Variants in PPFIA2 observed in about 807,000 individuals in gnomAD.
PPFIA2 encodes the protein PPFI scaffold protein A2, also known as liprin-alpha-2.
In PPFIA2, 46 loss-of-function variants were observed where a neutral mutation model predicts 175.5. That is an observed-to-expected ratio of 0.26 (90% CI 0.21 to 0.34). PPFIA2 has a LOEUF of 0.34. Ranked by LOEUF, PPFIA2 falls within the 10% of genes least tolerant of loss-of-function variation. PPFIA2 has a pLI of 1.00. For missense variants in PPFIA2, 1,179 were observed against 1,506.1 expected, an observed-to-expected ratio of 0.78 and a Z score of 3.60; for synonymous variants, 568 against 511.4, an observed-to-expected ratio of 1.11 and a Z score of -1.49.
At position 81,423,944 on chromosome 12, in the gene PPFIA2, A is replaced by G. The variant is rs111629460; in HGVS notation, c.645+16028T>C. Among the ~76,000 whole-genome samples, 6 of 152,258 alleles carry G rather than the reference A, an allele frequency of 3.9e-5. 1 individual carries two copies. The highest frequency in any genetic ancestry group is 1.4e-4 in the African/African-American group (6 of 41,578). ...ATTCAAAAATTAGTTGCATTTCCAC[A>G]CACAAACAACAATATAAAAAGGAAA... On this transcript the variant is annotated intron_variant, in intron 7 of 32. Coordinates refer to ENST00000549396, the MANE Select transcript of PPFIA2 (RefSeq NM_003625.5).
At chr12:81,743,833 C>G (rs1408579591) in intron 3 of PPFIA2, among the ~76,000 whole-genome samples, 2 of 152,010 alleles carry the variant, frequency 1.3e-5, no homozygotes, top group African/African-American at 4.8e-5. Flanking sequence ...TCCTAGAAAC[C>G]ATAATTGACA....
In PPFIA2 at chr12:81,527,358, C is replaced by T. The variant is rs117309973; in HGVS notation, c.304-69492G>A. Among the ~76,000 whole-genome samples, 16 of 134,606 alleles carry T rather than the reference C, an allele frequency of 1.2e-4. No individual in the cohort carries two copies. The South Asian group carries it at 1.7e-3, about 14-fold the overall frequency. The allele number at this position is 134,606 out of a possible 152,430, so 88.3% of individuals were successfully genotyped here. A position where few individuals can be genotyped will look rare whatever the true frequency, so the allele number is the denominator to read the frequency against. On this transcript the variant is annotated intron_variant, in intron 4 of 32. Transcript: ENST00000549396. ...GTATTTACTCCTACTATATACACCC[C>T]GGGGAGCTCCATTTTATGCTTCTGT...
chr12:81,753,187 G>A (rs985623637), intron 3 of PPFIA2, among the ~76,000 whole-genome samples: 2 of 152,102 alleles, frequency 1.3e-5, no homozygotes, highest in East Asian at 1.9e-4. Flanking sequence ...CACCCACCTC[G>A]GCCTCCCAAA....
intron 4 of PPFIA2, among the ~76,000 whole-genome samples, chr12:81,503,847 T>C (rs2147502875): frequency 1.3e-5 from 2 of 152,174 alleles, no homozygotes; most frequent in East Asian, 3.9e-4. Context: ...TGGGGCAAAC[T>C]AAGTAATGCT....
intron 2 of PPFIA2, among the ~76,000 whole-genome samples, chr12:81,756,996 A>G (rs1437540617): frequency 6.6e-6 from 1 of 152,174 alleles, no homozygotes; most frequent in African/African-American, 2.4e-5. Context: ...ATTAGAAAAA[A>G]ATAGTCTACA....
At chr12:81,535,845 T>C (rs34756622) in intron 4 of PPFIA2, among the ~76,000 whole-genome samples, 2,996 of 151,942 alleles carry the variant, frequency 0.02, 60 homozygotes, top group East Asian at 0.042. Context: ...TAACTATAAC[T>C]TGGCAAACTC....
intron 22 of PPFIA2, among the ~76,000 whole-genome samples, chr12:81,320,057 T>G (rs757899480): frequency 1.1e-4 from 16 of 152,016 alleles, no homozygotes; most frequent in Non-Finnish European, 2.2e-4. Flanking sequence ...TTTAAAAGTT[T>G]AATTTGGCAT....
intron 22 of PPFIA2, among the ~76,000 whole-genome samples, chr12:81,307,525 A>G (rs2138836173): frequency 6.6e-6 from 1 of 152,332 alleles, no homozygotes; most frequent in East Asian, 1.9e-4. Context: ...AAAAGATTAC[A>G]ATGTTATATC....
In PPFIA2 at chr12:81,509,094, A is replaced by G. The variant is rs149827510; in HGVS notation, c.304-51228T>C. On this transcript the variant is annotated intron_variant, in intron 4 of 32. Coordinates refer to ENST00000549396, the MANE Select transcript of PPFIA2 (RefSeq NM_003625.5). ...TGGAAATCATCATTCTCAGTAAACT[A>G]TCGCAAGAGTTTACTTTCACAGGTA... Among the ~76,000 whole-genome samples, 254 of 152,178 alleles carry G rather than the reference A, an allele frequency of 1.7e-3. 2 individuals are homozygous for G. Among genetic ancestry groups the G allele is most frequent in the African/African-American group, 6.0e-3 (248 of 41,500 alleles).
chr12:81,420,025 T>C (rs1050353801), intron 7 of PPFIA2, among the ~76,000 whole-genome samples: 1 of 152,162 alleles, frequency 6.6e-6, no homozygotes, highest in Non-Finnish European at 1.5e-5. Context: ...CCTTGTCTAC[T>C]AAAAACGCTG....
chr12:81,374,700 C>T lies in PPFIA2; in HGVS notation c.1200G>A (p.Met400Ile). ...ELAEQKLQQT[M>I]RKAETLPEVE... is the part of the protein sequence containing the mutation. ...CTTCAGGCAAGGTTTCAGCCTTTCT[C>T]ATGGTCTGCTGCAACTTTTGTTCAG... The change falls in exon 11 of 33, where the codon ATG becomes ATA. Residue 400 changes from methionine to isoleucine, a missense_variant. Physicochemically the swap from Met to Ile is conservative, Grantham distance 10. This residue lies in a region of PPFIA2 where 66 missense variants were observed against 129.4 expected (regional missense o/e 0.51). Coordinates refer to ENST00000549396, the MANE Select transcript of PPFIA2 (RefSeq NM_003625.5). 3 of 1,613,408 alleles carry T rather than the reference C, an allele frequency of 1.9e-6. No homozygotes were observed. The highest frequency in any genetic ancestry group is 2.2e-5 in the South Asian group (2 of 91,072).
chr12:81,722,729 A>G (rs997349460), intron 3 of PPFIA2, among the ~76,000 whole-genome samples: 1 of 150,974 alleles, frequency 6.6e-6, no homozygotes, highest in African/African-American at 2.4e-5. Flanking sequence ...AGGAAGTTTT[A>G]TATTATCAAA....
intron 7 of PPFIA2, among the ~76,000 whole-genome samples, chr12:81,432,991 A>T (rs2048360113): frequency 6.6e-6 from 1 of 151,470 alleles, no homozygotes; most frequent in South Asian, 2.1e-4. Context: ...CCACACAAAA[A>T]CATACCTTTA....
At chr12:81,750,871 T>C (rs1398732149) in intron 3 of PPFIA2, among the ~76,000 whole-genome samples, 3 of 152,162 alleles carry the variant, frequency 2.0e-5, no homozygotes, top group Non-Finnish European at 4.4e-5. Flanking sequence ...TTCTACCCTG[T>C]GTTTGCTGAA....
At chr12:81,395,097 T>G (rs1027138286) in intron 8 of PPFIA2, among the ~76,000 whole-genome samples, 1 of 152,064 alleles carries the variant, frequency 6.6e-6, no homozygotes, top group Non-Finnish European at 1.5e-5. Flanking sequence ...ACCAAGAGTA[T>G]AGCAAACTCT....
At position 81,681,626 on chromosome 12, in the gene PPFIA2, A is replaced by C. The variant is rs533678799; in HGVS notation, c.250-4782T>G. On this transcript the variant is annotated intron_variant, in intron 3 of 32. Coordinates refer to ENST00000549396, the MANE Select transcript of PPFIA2 (RefSeq NM_003625.5). ...ATTTTTCCCTTGACAAACACTTTGAATGATGGAGCTATAGGGATTAATAAT... is the reference window on the plus strand; with the variant it reads ...ATTTTTCCCTTGACAAACACTTTGACTGATGGAGCTATAGGGATTAATAAT... 3.9e-5 allele frequency among the ~76,000 whole-genome samples: 6 copies of C among 152,002 alleles called. No homozygotes were observed. The South Asian group carries it at 1.2e-3, about 32-fold the overall frequency.
intron 4 of PPFIA2, among the ~76,000 whole-genome samples, chr12:81,589,833 G>T (rs895539887): frequency 1.3e-5 from 2 of 151,830 alleles, no homozygotes; most frequent in African/African-American, 2.4e-5. Flanking sequence ...CTACTGAATT[G>T]TTCCCTCTGT....
intron 4 of PPFIA2, among the ~76,000 whole-genome samples, chr12:81,651,275 G>C (rs971099183): frequency 6.6e-6 from 1 of 152,096 alleles, no homozygotes. Context: ...TTCCCCCAAG[G>C]AGCTGGGAGA....
At chr12:81,735,174 TTAAA>T (rs1453777247) in intron 3 of PPFIA2, among the ~76,000 whole-genome samples, 3 of 151,828 alleles carry the variant, frequency 2.0e-5, no homozygotes, top group African/African-American at 7.2e-5. Context: ...ATTTTTTTAA[TTAAA>T]TAAACTACTA....
Sources: gnomAD v4.1 joint callset for allele counts (sites outside exome capture counted in the v4.1 genomes callset) on GRCh38, gnomAD v4.1.1 for gene constraint, gnomAD v4.1.1 regional missense constraint, MANE v1.5 for transcripts, NCBI Gene and HGNC (gene_info 2026-07-23, HGNC 2026-07-21) for gene names.